Variants in ZDHHC17 observed in about 807,000 individuals in gnomAD.
The protein encoded by ZDHHC17 is zDHHC palmitoyltransferase 17.
ZDHHC17 carries 40 observed loss-of-function variants against 90.3 expected under a neutral mutation model. The observed-to-expected ratio is 0.44, with a 90% confidence interval of 0.34 to 0.58. The LOEUF is 0.58. ZDHHC17 is among the 20% of genes least tolerant of loss of function. ZDHHC17 has a pLI of 0.01. For missense variants in ZDHHC17, 614 were observed against 780.8 expected (o/e 0.79, Z 2.55); for synonymous variants, 235 against 252.4 (o/e 0.93, Z 0.65).
intron 1 of ZDHHC17, chr12:76,769,095 G>C: frequency 2.3e-6 from 1 of 427,902 alleles, no homozygotes; most frequent in African/African-American, 2.0e-5. Context: ...TTGCGCTCTT[G>C]TTGCCCAGGC....
At chr12:76,772,089 A>G (rs772770739) in intron 1 of ZDHHC17, among the ~76,000 whole-genome samples, 2 of 152,200 alleles carry the variant, frequency 1.3e-5, no homozygotes, top group Non-Finnish European at 2.9e-5. Flanking sequence ...TTGCATGTAT[A>G]TTCATTCATT....
chr12:76,848,172 G>T, intron 14 of ZDHHC17, 61 bp from the exon 15 acceptor site: 1 of 1,569,456 alleles, frequency 6.4e-7, no homozygotes, highest in Non-Finnish European at 8.7e-7. Flanking sequence ...CAGCACAAAT[G>T]CCTATATGAG....
intron 12 of ZDHHC17, 85 bp downstream of exon 12, chr12:76,843,066 G>C (rs1350040309): frequency 3.9e-6 from 4 of 1,023,298 alleles, no homozygotes; most frequent in Admixed American, 5.3e-5. Flanking sequence ...TGGGGAAAAG[G>C]AATAATTATT....
chr12:76,813,274 TGTTG>T, intron 5 of ZDHHC17: 1 of 418,248 alleles, frequency 2.4e-6, no homozygotes, highest in Non-Finnish European at 4.7e-6. Flanking sequence ...TAAGGAAGTT[TGTTG>T]TTTCTTCAGA....
rs933406148 is a variant in ZDHHC17 at position 76,851,425 on chromosome 12, T to G, written c.*440T>G. ...GCATCTAATTCCAGGAGCATTGTTTTAAGTTGATTGACTAGTTATTATGTA... is the reference window on the plus strand; with the variant it reads ...GCATCTAATTCCAGGAGCATTGTTTGAAGTTGATTGACTAGTTATTATGTA... On this transcript the variant is annotated 3_prime_UTR_variant, in exon 17 of 17. Coordinates refer to ENST00000426126, the MANE Select transcript of ZDHHC17 (RefSeq NM_015336.4). The G allele has an allele frequency of 5.9e-6, 1 of 170,820 alleles. No individual in the cohort carries two copies. The highest frequency in any genetic ancestry group is 2.4e-5 in the African/African-American group (1 of 41,530). The allele number at this position is 170,820 out of a possible 1,614,324, so 10.6% of individuals were successfully genotyped here.
In ZDHHC17 at chr12:76,815,122, CTTTT is replaced by C. The variant is rs748355528; in HGVS notation, c.544-20_544-17del. 1.3e-6 allele frequency: 2 copies of C among 1,517,602 alleles called. No individual in the cohort carries two copies. Among genetic ancestry groups the C allele is most frequent in the Admixed American group, 4.2e-5 (2 of 47,216 alleles). 94.0% of individuals were successfully genotyped at this position (1,517,602 alleles called of 1,614,324 possible). Reference sequence around the variant, plus strand: ...AGGAACTTATAATTTAACTGTCTGACTTTTTTTCTTTTTACTTTATCAGGATGTA... The same window carrying C: ...AGGAACTTATAATTTAACTGTCTGACTTTCTTTTTACTTTATCAGGATGTA... On this transcript the variant is annotated intron_variant, in intron 5 of 16. Coordinates refer to ENST00000426126, the MANE Select transcript of ZDHHC17 (RefSeq NM_015336.4).
At chr12:76,845,670 A>C (rs1432843875) in intron 12 of ZDHHC17, 39 bp from the exon 13 acceptor site, 1 of 997,256 alleles carries the variant, frequency 1.0e-6, no homozygotes, top group Admixed American at 2.0e-5. Flanking sequence ...CTCTCTTAGT[A>C]TAATGCCTTT....
At chr12:76,787,617 CCT>C (rs3044465) in intron 1 of ZDHHC17, among the ~76,000 whole-genome samples, 75,947 of 148,576 alleles carry the variant, frequency 0.51, 19,059 homozygotes, top group Middle Eastern at 0.59. Context: ...TCTGTCTCTC[CCT>C]CTCTCTCTCT....
chr12:76,814,433 A>G (rs1198339002), intron 5 of ZDHHC17, among the ~76,000 whole-genome samples: 1 of 151,862 alleles, frequency 6.6e-6, no homozygotes, highest in Non-Finnish European at 1.5e-5. Flanking sequence ...ATTACAATAG[A>G]TCTCTTGAGA....
At position 76,851,277 on chromosome 12, in the gene ZDHHC17, C is replaced by A; in HGVS notation, c.*292C>A. On this transcript the variant is annotated 3_prime_UTR_variant, in exon 17 of 17. Transcript: ENST00000426126. Reference sequence around the variant, plus strand: ...GGTTTTGTTCTCACAGTATTTTTCACAAAAAAAGGGTAAACTTATTCTATT... The same window carrying A: ...GGTTTTGTTCTCACAGTATTTTTCAAAAAAAAAGGGTAAACTTATTCTATT... 1.2e-5 allele frequency: 4 copies of A among 339,718 alleles called. No homozygotes were observed. Among genetic ancestry groups the A allele is most frequent in the Middle Eastern group, 9.0e-4 (1 of 1,114 alleles). The allele number at this position is 339,718 out of a possible 1,614,324, so 21.0% of individuals were successfully genotyped here.
intron 5 of ZDHHC17, among the ~76,000 whole-genome samples, chr12:76,811,171 G>A (rs951126829): frequency 4.7e-5 from 7 of 149,236 alleles, no homozygotes; most frequent in African/African-American, 7.4e-5. Context: ...ATAACCACCC[G>A]GAGGGAAGGG....
intron 7 of ZDHHC17, chr12:76,821,061 A>G: frequency 1.6e-6 from 2 of 1,289,444 alleles, no homozygotes; most frequent in Non-Finnish European, 2.0e-6. Flanking sequence ...TGTCTAGGCA[A>G]TCCTTAGGTG....
At chr12:76,841,131 C>G (rs1280239899) in intron 10 of ZDHHC17, 2 of 152,092 alleles carry the variant, frequency 1.3e-5, no homozygotes, top group South Asian at 4.1e-4. Flanking sequence ...TCTTTTCTTC[C>G]GTCTTTTGTT....
Position 76,805,376 on chromosome 12 carries a change from C to T in ZDHHC17, c.257C>T (p.Pro86Leu). 3.7e-6 allele frequency: 6 copies of T among 1,602,724 alleles called. No individual in the cohort carries two copies. Among genetic ancestry groups the T allele is most frequent in the South Asian group, 1.1e-5 (1 of 89,328 alleles). Residue 86 changes from proline to leucine, a missense_variant, in exon 3 of 17, where the codon CCG becomes CTG. Coordinates refer to ENST00000426126, the MANE Select transcript of ZDHHC17 (RefSeq NM_015336.4). ...LVEAGYDVRQ[P>L]DKENVTLLHW... ...GAAGCAGGTTATGATGTACGGCAAC[C>T]GGACAAAGAAAATGTTACCCTCCTC...
chr12:76,798,004 A>G (rs1952843049), intron 2 of ZDHHC17, among the ~76,000 whole-genome samples: 1 of 151,914 alleles, frequency 6.6e-6, no homozygotes. Flanking sequence ...TTCCCATTGG[A>G]TAATTGAATA....
At chr12:76,765,591 G>A (rs1001512864) in intron 1 of ZDHHC17, among the ~76,000 whole-genome samples, 1 of 152,188 alleles carries the variant, frequency 6.6e-6, no homozygotes, top group Non-Finnish European at 1.5e-5. Context: ...CATACGTCAG[G>A]AAATAGACAA....
chr12:76,795,337 T>G (rs2137742994), intron 1 of ZDHHC17, among the ~76,000 whole-genome samples: 1 of 152,016 alleles, frequency 6.6e-6, no homozygotes, highest in African/African-American at 2.4e-5. Flanking sequence ...ACAACCTCTT[T>G]AACGTTGCAC....
intron 10 of ZDHHC17, among the ~76,000 whole-genome samples, chr12:76,836,222 G>T (rs1364018491): frequency 6.6e-6 from 1 of 151,584 alleles, no homozygotes; most frequent in African/African-American, 2.4e-5. Context: ...TCTTTGAAAG[G>T]GTTTGGGTTA....
At chr12:76,810,702 A>G (rs1373946026) in intron 5 of ZDHHC17, among the ~76,000 whole-genome samples, 1 of 97,158 alleles carries the variant, frequency 1.0e-5, no homozygotes. Context: ...TAATTGCTGG[A>G]AGGGGAGGGG....
Sources: allele counts gnomAD v4.1 joint callset (sites outside exome capture counted in the v4.1 genomes callset), GRCh38; gene constraint gnomAD v4.1.1; transcripts MANE v1.5; gene names NCBI Gene and HGNC (gene_info 2026-07-23, HGNC 2026-07-21).